DAPP1: variants seen among roughly 807,000 people sequenced by gnomAD.
The protein encoded by DAPP1 is dual adaptor of phosphotyrosine and 3-phosphoinositides 1.
In DAPP1, 20 loss-of-function variants were observed where a neutral mutation model predicts 41.5. The ratio of observed to expected loss-of-function variants is 0.48; its 90% CI spans 0.34 to 0.70. The LOEUF is 0.70. DAPP1 is among the 30% of genes least tolerant of loss of function. The pLI, the probability that DAPP1 is intolerant of heterozygous loss-of-function variation, is 0.01. For synonymous variants in DAPP1, 113 were observed against 116.2 expected, an observed-to-expected ratio of 0.97 and a Z score of 0.18; for missense variants, 233 against 333.4, an observed-to-expected ratio of 0.70 and a Z score of 2.35.
intron 4 of DAPP1, among the ~76,000 whole-genome samples, chr4:99,859,494 G>T (rs997930716): frequency 1.1e-4 from 16 of 152,068 alleles, no homozygotes; most frequent in African/African-American, 3.6e-4. Flanking sequence ...GTATTTATCT[G>T]TCGATTCATT....
At chr4:99,830,830 C>A (rs1315118384) in intron 1 of DAPP1, among the ~76,000 whole-genome samples, 1 of 151,948 alleles carries the variant, frequency 6.6e-6, no homozygotes, top group African/African-American at 2.4e-5. Context: ...CTAGGCCAGT[C>A]CAAGTACTCA....
At chr4:99,853,095 A>G (rs550814001) in intron 3 of DAPP1, 123 bp from the exon 4 acceptor site, 1 of 1,081,806 alleles carries the variant, frequency 9.2e-7, no homozygotes, top group South Asian at 1.6e-5. Flanking sequence ...CTGTTGAGAT[A>G]ATGAGCGAGG....
rs747389030 is a variant in DAPP1, at chr4:99,840,420, C to T, written c.356C>T (p.Thr119Ile). Residue 119 changes from threonine to isoleucine, a missense_variant and splice_region_variant, in exon 3 of 9, where the codon ACA (threonine) becomes ATA (isoleucine). Thr to Ile is a moderately conservative substitution (Grantham distance 89). Coordinates refer to ENST00000512369, the MANE Select transcript of DAPP1 (RefSeq NM_014395.3). ...AATCAGCCTTTGATTGGAAGCGAGA[C>T]AGGTAAGCTATGAGCAGACACTTGA... ...FANQPLIGSE[T>I]GTLMVLKHPY... is the part of the protein sequence containing the mutation. 9.3e-6 allele frequency: 15 copies of T among 1,611,186 alleles called. No homozygotes were observed. The East Asian group carries it at 1.3e-4, about 14-fold the overall frequency.
intron 1 of DAPP1, among the ~76,000 whole-genome samples, chr4:99,822,479 G>A (rs1722806643): frequency 2.6e-5 from 4 of 152,136 alleles, no homozygotes; most frequent in Admixed American, 2.6e-4. Context: ...TGGAGAAGAT[G>A]GCCTTGGAGC....
chr4:99,838,640 G>A (rs1723383112), intron 2 of DAPP1, among the ~76,000 whole-genome samples: 1 of 152,194 alleles, frequency 6.6e-6, no homozygotes, highest in Non-Finnish European at 1.5e-5. Context: ...TGATCTGACA[G>A]GAGGCAGAGC....
intron 6 of DAPP1, 130 bp from the exon 7 acceptor site, chr4:99,863,640 C>A: frequency 1.5e-6 from 1 of 669,240 alleles, no homozygotes. Flanking sequence ...TATTGTCAGT[C>A]CTGTTAGTGA....
chr4:99,868,909 G>A lies in DAPP1; in HGVS notation c.*724G>A, dbSNP rs949645688. ...TTATTTTCACCCTGTTGGGGTAAATGTTTTAAAGAGTGAGAAAACATAAAT... is the reference window on the plus strand; with the variant it reads ...TTATTTTCACCCTGTTGGGGTAAATATTTTAAAGAGTGAGAAAACATAAAT... On this transcript the variant is annotated 3_prime_UTR_variant, in exon 9 of 9. Coordinates refer to ENST00000512369, the MANE Select transcript of DAPP1 (RefSeq NM_014395.3). 6.6e-6 allele frequency: 1 copy of A among 152,118 alleles called. No homozygotes were observed. Among genetic ancestry groups the A allele is most frequent in the African/African-American group, 2.4e-5 (1 of 41,432 alleles). The allele number at this position is 152,118 out of a possible 1,614,324, so 9.4% of individuals were successfully genotyped here.
rs374365680 is a variant in DAPP1, at chr4:99,862,993, G to A, written c.538-17G>A. 1.3e-6 allele frequency: 2 copies of A among 1,577,720 alleles called. No individual in the cohort carries two copies. Among genetic ancestry groups the A allele is most frequent in the African/African-American group, 1.4e-5 (1 of 73,280 alleles). ...TTTGTGTGTCTGTGTGTTTGTGTGT[G>A]TGTGTGTTTTTCTCAGACCTGGAAA... On this transcript the variant is annotated splice_polypyrimidine_tract_variant and intron_variant, in intron 5 of 8. Transcript: ENST00000512369.
Position 99,835,669 on chromosome 4 carries a change from C to T in DAPP1, c.148C>T (p.Leu50Phe). ...ACGCCATGCTGCTGAAGCTCTTCTC[C>T]TCTCAAATGGATGTGACGGCAGCTA... is the stretch of plus-strand genomic sequence containing the variant. ...LTRHAAEALL[L>F]SNGCDGSYLL... The change falls in exon 2 of 9, where the codon CTC (leucine) becomes TTC (phenylalanine). Residue 50 changes from leucine (L) to phenylalanine (F), a missense_variant. Coordinates refer to ENST00000512369, the MANE Select transcript of DAPP1 (RefSeq NM_014395.3). 1 of 1,613,890 alleles carries T rather than the reference C, an allele frequency of 6.2e-7. No individual in the cohort carries two copies. The highest frequency in any genetic ancestry group is 1.1e-5 in the South Asian group (1 of 91,076).
chr4:99,832,769 T>C (rs1388752625), intron 1 of DAPP1, among the ~76,000 whole-genome samples: 1 of 152,276 alleles, frequency 6.6e-6, no homozygotes, highest in African/African-American at 2.4e-5. Context: ...AAAAGAATTC[T>C]ATAAATGTTT....
At chr4:99,860,275 TG>T (rs1369921539) in intron 4 of DAPP1, among the ~76,000 whole-genome samples, 2 of 152,240 alleles carry the variant, frequency 1.3e-5, no homozygotes, top group African/African-American at 4.8e-5. Context: ...GTACATTGTT[TG>T]GGTGGAGGTA....
chr4:99,858,455 T>G (rs1388225586), intron 4 of DAPP1, among the ~76,000 whole-genome samples: 1 of 152,258 alleles, frequency 6.6e-6, no homozygotes, highest in Admixed American at 6.5e-5. Flanking sequence ...GGAACACAAT[T>G]GCAATCTGTC....
chr4:99,822,242 C>T (rs540994371), intron 1 of DAPP1, among the ~76,000 whole-genome samples: 11 of 152,298 alleles, frequency 7.2e-5, no homozygotes, highest in Admixed American at 6.5e-4. Flanking sequence ...TGGGGAGTCA[C>T]TTTGTTTCAT....
intron 4 of DAPP1, 21 bp downstream of exon 4, chr4:99,853,369 C>A (rs1263560358): frequency 1.3e-6 from 2 of 1,595,684 alleles, no homozygotes; most frequent in Non-Finnish European, 1.7e-6. Flanking sequence ...TTCAACGTGA[C>A]CACAAGCTCT....
At chr4:99,839,421 T>G (rs914077399) in intron 2 of DAPP1, among the ~76,000 whole-genome samples, 2 of 149,030 alleles carry the variant, frequency 1.3e-5, no homozygotes, top group African/African-American at 2.5e-5. Context: ...TATATATAGA[T>G]ATATATATAT....
At chr4:99,852,249 TG>T (rs1464050105) in intron 3 of DAPP1, among the ~76,000 whole-genome samples, 1 of 152,242 alleles carries the variant, frequency 6.6e-6, no homozygotes, top group East Asian at 1.9e-4. Flanking sequence ...AATGAATTGC[TG>T]AATTCTTTAC....
chr4:99,862,987 G>T lies in DAPP1; in HGVS notation c.538-23G>T, dbSNP rs747007582. 15 of 1,206,872 alleles carry T rather than the reference G, an allele frequency of 1.2e-5. No individual in the cohort carries two copies. In the African/African-American group the frequency reaches 1.9e-4, roughly 15 times the overall value. 74.8% of individuals were successfully genotyped at this position (1,206,872 alleles called of 1,614,324 possible). A position where few individuals can be genotyped will look rare whatever the true frequency, so the allele number is the denominator to read the frequency against. On this transcript the variant is annotated intron_variant, in intron 5 of 8. Transcript: ENST00000512369. ...CAAAACTTTGTGTGTCTGTGTGTTT[G>T]TGTGTGTGTGTGTTTTTCTCAGACC...
intron 7 of DAPP1, 109 bp from the exon 8 acceptor site, chr4:99,865,925 A>AAT (rs1724420892): frequency 2.3e-5 from 2 of 85,472 alleles, no homozygotes; most frequent in African/African-American, 9.2e-5. Flanking sequence ...ATATATATAT[A>AAT]ATATATATAA....
At chr4:99,865,970 A>AT (rs1553942240) in intron 7 of DAPP1, 64 bp from the exon 8 acceptor site, 25 of 78,102 alleles carry the variant, frequency 3.2e-4, no homozygotes, top group African/African-American at 1.6e-3. Flanking sequence ...TATATATTAT[A>AT]TATATATATA....
Sources: gnomAD v4.1 joint callset for allele counts (sites outside exome capture counted in the v4.1 genomes callset) on GRCh38, gnomAD v4.1.1 for gene constraint, MANE v1.5 for transcripts, NCBI Gene and HGNC (gene_info 2026-07-23, HGNC 2026-07-21) for gene names.